ANKRD30B: variants seen among roughly 807,000 people sequenced by gnomAD.
ANKRD30B encodes ankyrin repeat domain 30B.
Under a neutral mutation model 202.2 loss-of-function variants are expected in ANKRD30B, and 144 were observed. The observed-to-expected ratio is 0.71, with a 90% CI of 0.62 to 0.82. ANKRD30B has a LOEUF of 0.82. Among genes scored for constraint, ANKRD30B ranks in the 40% least tolerant of loss-of-function variants. The probability of loss-of-function intolerance (pLI) is 0.00; values close to 1 mark genes in which losing one functional copy is unlikely to be tolerated. For missense variants in ANKRD30B, 1,487 were observed against 1,669.1 expected (o/e 0.89, Z 1.90); for synonymous variants, 508 against 561.3 (o/e 0.91, Z 1.34).
chr18:14,754,245 G>C (rs1913967914), intron 3 of ANKRD30B, among the ~76,000 whole-genome samples: 1 of 152,148 alleles, frequency 6.6e-6, no homozygotes, highest in Non-Finnish European at 1.5e-5. Context: ...AGAATCAAGA[G>C]AGTTTGTATC....
chr18:14,782,757 A>G, intron 12 of ANKRD30B, 143 bp downstream of exon 12: 2 of 518,026 alleles, frequency 3.9e-6, no homozygotes, highest in Non-Finnish European at 6.6e-6. Context: ...TAAGTTATGT[A>G]TCTTTTCAGG....
chr18:14,826,679 T>G (rs867719253), intron 32 of ANKRD30B, among the ~76,000 whole-genome samples: 2 of 87,610 alleles, frequency 2.3e-5, no homozygotes, highest in African/African-American at 8.2e-5. Context: ...TCTCTCCCCC[T>G]CTCTCTCTCT....
At chr18:14,810,570 T>C (rs548359493) in intron 28 of ANKRD30B, among the ~76,000 whole-genome samples, 2,493 of 151,080 alleles carry the variant, frequency 0.017, 188 homozygotes, top group African/African-American at 0.058. Flanking sequence ...CAGTTGTGAG[T>C]GTTGTCATTC....
At chr18:14,873,384 G>A in the ANKRD30B span, among the ~76,000 whole-genome samples, 2,574 of 151,936 alleles carry the variant, frequency 0.017, 82 homozygotes, top group African/African-American at 0.059. Context: ...AATTAGCTGG[G>A]CCTGGTGGCA....
intron 43 of ANKRD30B, among the ~76,000 whole-genome samples, 118 bp downstream of exon 43, chr18:14,854,061 C>T (rs536246930): frequency 2.0e-5 from 3 of 152,208 alleles, no homozygotes; most frequent in African/African-American, 2.4e-5. Flanking sequence ...TTTTATGATA[C>T]TAATATCCAC....
chr18:14,793,188 A>T (rs1487441138), intron 16 of ANKRD30B, among the ~76,000 whole-genome samples: 4 of 152,004 alleles, frequency 2.6e-5, no homozygotes, highest in African/African-American at 9.7e-5. Context: ...ATGAATATTT[A>T]TATTTAGTAT....
Position 14,760,673 on chromosome 18 carries a change from G to A in ANKRD30B, c.820+55G>A, listed in dbSNP as rs189018035. On this transcript the variant is annotated intron_variant, in intron 6 of 43. Coordinates refer to ENST00000690538, the MANE Select transcript of ANKRD30B (RefSeq NM_001367607.2). ...ATGGTGCTACCATAAGATTAGGGAA[G>A]TGCTGATCACAAAAAAGCAATTCAA... 311 of 1,289,488 alleles carry A rather than the reference G, an allele frequency of 2.4e-4. 2 individuals are homozygous for A. The East Asian group carries it at 5.9e-3, about 25-fold the overall frequency. The allele number at this position is 1,289,488 out of a possible 1,614,324, so 79.9% of individuals were successfully genotyped here. A position where few individuals can be genotyped will look rare whatever the true frequency, so the allele number is the denominator to read the frequency against.
the ANKRD30B span, among the ~76,000 whole-genome samples, chr18:14,895,672 G>A: frequency 6.6e-6 from 1 of 152,130 alleles, no homozygotes; most frequent in African/African-American, 2.4e-5. Flanking sequence ...CGTATACATT[G>A]GAATATTATT....
the ANKRD30B span, among the ~76,000 whole-genome samples, chr18:14,875,242 C>A: frequency 1.3e-5 from 2 of 152,264 alleles, no homozygotes; most frequent in East Asian, 3.9e-4. Context: ...GCAAGGAAAC[C>A]CCATAACCTT....
At chr18:14,858,875 T>G (rs1261278919), downstream of ANKRD30B, among the ~76,000 whole-genome samples, 15 of 62,468 alleles carry the variant, frequency 2.4e-4, no homozygotes, top group African/African-American at 3.2e-4. Context: ...CTCCCAGACA[T>G]CACGGCCAGG....
chr18:14,793,966 A>C (rs1046617162), intron 16 of ANKRD30B, among the ~76,000 whole-genome samples: 92 of 152,256 alleles, frequency 6.0e-4, no homozygotes, highest in African/African-American at 2.1e-3. Flanking sequence ...CATGGTGACT[A>C]AAAAGCATCA....
intron 32 of ANKRD30B, among the ~76,000 whole-genome samples, chr18:14,824,689 A>G (rs1261149543): frequency 1.3e-5 from 2 of 152,238 alleles, no homozygotes; most frequent in Non-Finnish European, 2.9e-5. Flanking sequence ...CATTGGAATT[A>G]TTTGAGCAGG....
the ANKRD30B span, among the ~76,000 whole-genome samples, chr18:14,927,691 C>G: frequency 3.9e-5 from 6 of 152,206 alleles, no homozygotes; most frequent in South Asian, 1.2e-3. Flanking sequence ...TGTCAAGAAG[C>G]AATTCCCCAT....
chr18:14,753,651 G>C (rs1913838901), intron 3 of ANKRD30B, among the ~76,000 whole-genome samples: 1 of 151,806 alleles, frequency 6.6e-6, no homozygotes, highest in South Asian at 2.1e-4. Context: ...TTAATACTGG[G>C]GTTGACTTCT....
chr18:14,854,407 G>A lies in ANKRD30B; in HGVS notation c.*249G>A, dbSNP rs1972005715. The stretch of plus-strand genomic sequence containing the variant: ...TCCTGGCAGTGCTTCTGGTGTGTGG[G>A]ATGGGGGTAGAATCCCATGCATGAG... On this transcript the variant is annotated 3_prime_UTR_variant, in exon 44 of 44. Transcript: ENST00000690538. Among the ~76,000 whole-genome samples the A allele has an allele frequency of 6.6e-6, 1 of 152,136 alleles. No individual in the cohort carries two copies. The highest frequency in any genetic ancestry group is 2.4e-5 in the African/African-American group (1 of 41,422).
chr18:14,798,995 A>C, intron 20 of ANKRD30B, 106 bp from the exon 21 acceptor site: 2 of 1,190,984 alleles, frequency 1.7e-6, no homozygotes, highest in East Asian at 2.4e-5. Context: ...ATCCCTTTTC[A>C]ATCCAAGCAT....
the ANKRD30B span, among the ~76,000 whole-genome samples, chr18:14,902,201 T>C: frequency 2.0e-5 from 3 of 152,214 alleles, no homozygotes; most frequent in South Asian, 2.1e-4. Flanking sequence ...CCACAACATA[T>C]GGGAATTACG....
At chr18:14,765,775 A>C (rs1029285242) in intron 7 of ANKRD30B, among the ~76,000 whole-genome samples, 4 of 152,200 alleles carry the variant, frequency 2.6e-5, no homozygotes, top group Non-Finnish European at 5.9e-5. Context: ...TCTGTGGCCT[A>C]GTATCAGTCT....
Position 14,784,464 on chromosome 18 carries a change from CT to C in ANKRD30B, c.1602del (p.Ala535ProfsTer15). 6.2e-7 allele frequency: 1 copy of C among 1,613,260 alleles called. No homozygotes were observed. Among genetic ancestry groups the C allele is most frequent in the South Asian group, 1.1e-5 (1 of 91,052 alleles). On this transcript the variant is annotated frameshift_variant and splice_region_variant, in exon 14 of 44. Coordinates refer to ENST00000690538, the MANE Select transcript of ANKRD30B (RefSeq NM_001367607.2). LOFTEE classifies it high-confidence loss of function. ...CATTTTTCTTCCAAACCCATTTAGC[CT>C]GCCGTTGAAATGCAAAAGACTGTTC... ...ELPEKPSAFK[P>X]AVEMQKTVPN... is the part of the protein sequence containing the mutation.
Sources: allele counts gnomAD v4.1 joint callset (sites outside exome capture counted in the v4.1 genomes callset), GRCh38; gene constraint gnomAD v4.1.1; transcripts MANE v1.5; gene names NCBI Gene and HGNC (gene_info 2026-07-23, HGNC 2026-07-21).